Variants in KATNAL2 observed in about 807,000 individuals in gnomAD.
KATNAL2 encodes katanin catalytic subunit A1 like 2, also known as katanin p60 ATPase-containing subunit A-like 2.
KATNAL2 carries 52 observed loss-of-function variants against 76.3 expected under a neutral mutation model. That is an observed-to-expected ratio of 0.68 (90% CI 0.55 to 0.86). The LOEUF (loss-of-function observed/expected upper bound fraction) is 0.86, where lower values mean the gene tolerates loss of function less well. KATNAL2 is among the 40% of genes least tolerant of loss of function. KATNAL2 has a pLI of 0.00. For synonymous variants in KATNAL2, 243 were observed against 244.2 expected (o/e 1.00, Z 0.05); for missense variants, 660 against 668.9 (o/e 0.99, Z 0.15).
intron 1 of KATNAL2, among the ~76,000 whole-genome samples, chr18:46,923,615 G>C (rs991860601): frequency 1.3e-5 from 2 of 152,112 alleles, no homozygotes; most frequent in Non-Finnish European, 2.9e-5. Context: ...GGGTCAAATG[G>C]TATTTCTAGT....
chr18:46,942,686 G>A (rs1259314438), intron 1 of KATNAL2, among the ~76,000 whole-genome samples: 2 of 152,228 alleles, frequency 1.3e-5, no homozygotes, highest in East Asian at 1.9e-4. Flanking sequence ...TCCTCATTAT[G>A]CTCATAGTTT....
chr18:47,088,579 T>C (rs916613847), intron 15 of KATNAL2, among the ~76,000 whole-genome samples: 15 of 152,176 alleles, frequency 9.9e-5, no homozygotes, highest in Non-Finnish European at 2.1e-4. Flanking sequence ...AATTAATAAA[T>C]TTATTCATTC....
chr18:46,945,221 A>G (rs1208218196), intron 1 of KATNAL2, among the ~76,000 whole-genome samples: 21 of 152,228 alleles, frequency 1.4e-4, no homozygotes, highest in Admixed American at 1.4e-3. Flanking sequence ...CACATTTTTA[A>G]CTTTTTGAAA....
At chr18:46,921,599 T>C (rs1288254725) in intron 1 of KATNAL2, among the ~76,000 whole-genome samples, 2 of 151,990 alleles carry the variant, frequency 1.3e-5, no homozygotes. Flanking sequence ...GGTGTATGAG[T>C]GTACTCTGTA....
At chr18:47,035,283 G>A (rs2060716458) in intron 3 of KATNAL2, 1 of 1,612,304 alleles carries the variant, frequency 6.2e-7, no homozygotes, top group Non-Finnish European at 8.5e-7. Flanking sequence ...AGCTGTGCAG[G>A]CGTCGCTGTC....
chr18:46,920,089 A>G (rs955197144), intron 1 of KATNAL2: 5 of 1,289,756 alleles, frequency 3.9e-6, no homozygotes, highest in Non-Finnish European at 5.1e-6. Flanking sequence ...GCTTCCCAGC[A>G]TTCATTCTGC....
intron 3 of KATNAL2, among the ~76,000 whole-genome samples, chr18:46,948,888 TTGTGTG>T (rs71264810): frequency 7.5e-5 from 11 of 145,792 alleles, no homozygotes. Flanking sequence ...AGTATCTGCA[TTGTGTG>T]TGTGTGTGTG....
At position 47,059,542 on chromosome 18, in the gene KATNAL2, C is replaced by T. The variant is rs2061569994; in HGVS notation, c.451-14C>T. On this transcript the variant is annotated splice_polypyrimidine_tract_variant and intron_variant, in intron 7 of 17. Coordinates refer to ENST00000683218, the MANE Select transcript of KATNAL2 (RefSeq NM_001387690.1). ...CTGCTCACAGCCGATGTGTCCTTGT[C>T]TCTCTTTCTTCAGGAGGTAGTTGAT... 2 of 1,572,098 alleles carry T rather than the reference C, an allele frequency of 1.3e-6. No individual in the cohort carries two copies. The highest frequency in any genetic ancestry group is 1.8e-6 in the Non-Finnish European group (2 of 1,141,898).
chr18:46,943,860 C>T (rs980535889), intron 1 of KATNAL2, among the ~76,000 whole-genome samples: 3 of 152,198 alleles, frequency 2.0e-5, no homozygotes, highest in African/African-American at 7.2e-5. Flanking sequence ...CTTAGTGAAG[C>T]TAACATGCTC....
intron 1 of KATNAL2, among the ~76,000 whole-genome samples, chr18:46,932,546 C>T (rs1011353323): frequency 7.3e-5 from 11 of 150,872 alleles, no homozygotes; most frequent in Middle Eastern, 3.2e-3. Context: ...TGGTGCTGTG[C>T]GCCTGTATGC....
At chr18:47,060,617 G>C (rs949232595) in intron 8 of KATNAL2, among the ~76,000 whole-genome samples, 4 of 152,156 alleles carry the variant, frequency 2.6e-5, no homozygotes, top group Non-Finnish European at 4.4e-5. Context: ...AGTTCTTTAA[G>C]CTTCTTCTTT....
At chr18:47,028,647 TG>T in intron 3 of KATNAL2, 1 of 783,046 alleles carries the variant, frequency 1.3e-6, no homozygotes, top group Non-Finnish European at 1.7e-6. Flanking sequence ...CTTGAAGTCC[TG>T]GAGGCAATGA....
At chr18:46,962,016 C>A (rs1280044941) in intron 3 of KATNAL2, among the ~76,000 whole-genome samples, 1 of 152,180 alleles carries the variant, frequency 6.6e-6, no homozygotes, top group African/African-American at 2.4e-5. Flanking sequence ...CTTTCTAAGT[C>A]TACTGGTCTT....
intron 4 of KATNAL2, among the ~76,000 whole-genome samples, chr18:47,048,423 C>T (rs913580572): frequency 1.3e-5 from 2 of 152,170 alleles, no homozygotes; most frequent in Non-Finnish European, 2.9e-5. Flanking sequence ...ATGCCAGCAA[C>T]CACTGCTTTC....
intron 3 of KATNAL2, among the ~76,000 whole-genome samples, chr18:46,960,784 C>A (rs895063236): frequency 4.6e-5 from 7 of 152,188 alleles, no homozygotes; most frequent in Non-Finnish European, 1.0e-4. Flanking sequence ...CCTTACCTAA[C>A]AAAGCTTAAC....
intron 15 of KATNAL2, among the ~76,000 whole-genome samples, chr18:47,094,959 G>C (rs2063166145): frequency 6.6e-6 from 1 of 152,076 alleles, no homozygotes; most frequent in Non-Finnish European, 1.5e-5. Context: ...TTTCAACCCA[G>C]CCTCACCCTC....
At chr18:46,955,025 TCTTTG>T (rs1307855919) in intron 3 of KATNAL2, among the ~76,000 whole-genome samples, 2 of 152,124 alleles carry the variant, frequency 1.3e-5, no homozygotes, top group Non-Finnish European at 2.9e-5. Context: ...CTTTTGGCTT[TCTTTG>T]CTTTAAGTCA....
At chr18:47,052,578 T>A (rs962004994) in intron 4 of KATNAL2, among the ~76,000 whole-genome samples, 1 of 152,252 alleles carries the variant, frequency 6.6e-6, no homozygotes, top group Non-Finnish European at 1.5e-5. Flanking sequence ...TCACAAGATG[T>A]TTCTTGGTTG....
intron 13 of KATNAL2, among the ~76,000 whole-genome samples, chr18:47,074,514 A>C (rs2062122841): frequency 6.6e-6 from 1 of 152,158 alleles, no homozygotes; most frequent in Admixed American, 6.5e-5. Context: ...TATGATGCTC[A>C]AGAGATCAGT....
Sources: allele counts gnomAD v4.1 joint callset (sites outside exome capture counted in the v4.1 genomes callset), GRCh38; gene constraint gnomAD v4.1.1; transcripts MANE v1.5; gene names NCBI Gene and HGNC (gene_info 2026-07-23, HGNC 2026-07-21).